Variants in EML5 observed in about 807,000 individuals in gnomAD.
EML5 encodes echinoderm microtubule-associated protein-like 5.
A neutral mutation model predicts 250.0 loss-of-function variants in EML5; 120 were observed. That is an observed-to-expected ratio of 0.48 (90% CI 0.41 to 0.56). The LOEUF is 0.56. Ranked by LOEUF, EML5 falls within the 20% of genes least tolerant of loss-of-function variation. The probability of loss-of-function intolerance (pLI) is 0.00; values close to 1 mark genes in which losing one functional copy is unlikely to be tolerated. For synonymous variants in EML5, 771 were observed against 806.5 expected, an observed-to-expected ratio of 0.96 and a Z score of 0.75; for missense variants, 2,006 against 2,437.6, an observed-to-expected ratio of 0.82 and a Z score of 3.73.
intron 24 of EML5, among the ~76,000 whole-genome samples, chr14:88,662,272 G>C (rs2092128261): frequency 8.0e-6 from 1 of 125,296 alleles, no homozygotes; most frequent in Non-Finnish European, 1.6e-5. Flanking sequence ...CTCTTCCTAG[G>C]CCAAGATAAA....
chr14:88,666,597 C>T (rs796087211), intron 21 of EML5, among the ~76,000 whole-genome samples: 32 of 152,136 alleles, frequency 2.1e-4, no homozygotes, highest in African/African-American at 7.2e-4. Context: ...TGTATATATA[C>T]GTTTCAGAAC....
In EML5 at chr14:88,712,291, C is replaced by T. The variant is rs765131444; in HGVS notation, c.1637G>A (p.Arg546Gln). The T allele has an allele frequency of 1.4e-5, 22 of 1,608,480 alleles. No individual in the cohort carries two copies. Among genetic ancestry groups the T allele is most frequent in the Middle Eastern group, 2.0e-4 (1 of 4,926 alleles). Reference protein sequence around the residue: ...ADDYGIIKLFRYPCLRKGAKF... With the variant: ...ADDYGIIKLFQYPCLRKGAKF... ...GGTACCTTTTCTTAAACATGGATAT[C>T]GGAATAATTTTATAATTCCATAGTC... Residue 546 changes from arginine (R) to glutamine (Q), a missense_variant, in exon 10 of 44, where the codon CGA becomes CAA. Around this residue, in one of 7 missense-constraint regions of EML5, gnomAD observed 1,375 missense variants for 1,590.3 expected, o/e 0.86. Coordinates refer to ENST00000554922, the MANE Select transcript of EML5 (RefSeq NM_183387.3).
rs919323596 is a variant in EML5, at chr14:88,615,488, T to A, written c.*330A>T. 61 of 255,024 alleles carry A rather than the reference T, an allele frequency of 2.4e-4. No homozygotes were observed. The highest frequency in any genetic ancestry group is 1.1e-3 in the African/African-American group (51 of 45,240). The allele number at this position is 255,024 out of a possible 1,614,324, so 15.8% of individuals were successfully genotyped here. On this transcript the variant is annotated 3_prime_UTR_variant, in exon 44 of 44. Transcript: ENST00000554922. ...AATTATCCAAATTGGGTTTTTGAGT[T>A]CTTCTGTAAAGAGTGCTCTACCCTA...
intron 41 of EML5, 81 bp from the exon 42 acceptor site, chr14:88,616,960 ATCTC>A: frequency 7.5e-7 from 1 of 1,329,124 alleles, no homozygotes; most frequent in Non-Finnish European, 1.1e-6. Flanking sequence ...TTGGCAATTA[ATCTC>A]TAAGTACCCT....
At chr14:88,622,362 G>T (rs1304452494) in intron 37 of EML5, 4 of 349,892 alleles carry the variant, frequency 1.1e-5, no homozygotes, top group African/African-American at 6.3e-5. Flanking sequence ...TGTTAAATTG[G>T]CAGATTCTAG....
At chr14:88,740,219 A>C (rs2093904482) in intron 5 of EML5, among the ~76,000 whole-genome samples, 168 bp downstream of exon 5, 1 of 152,214 alleles carries the variant, frequency 6.6e-6, no homozygotes, top group Non-Finnish European at 1.5e-5. Context: ...AATGAGTCTA[A>C]TTGATTTCTT....
intron 2 of EML5, among the ~76,000 whole-genome samples, chr14:88,751,963 G>A (rs1172230643): frequency 1.3e-5 from 2 of 152,130 alleles, no homozygotes; most frequent in Non-Finnish European, 2.9e-5. Flanking sequence ...ATTCCAAAGG[G>A]TTGTTGGGAG....
rs1277108300 is a variant in EML5 at position 88,792,815 on chromosome 14, G to A, written c.-312C>T. 2.1e-5 allele frequency: 19 copies of A among 915,990 alleles called. No homozygotes were observed. The East Asian group carries it at 5.2e-4, about 25-fold the overall frequency. The allele number at this position is 915,990 out of a possible 1,614,324, so 56.7% of individuals were successfully genotyped here. A position where few individuals can be genotyped will look rare whatever the true frequency, so the allele number is the denominator to read the frequency against. ...CCCGTAGCGCCTGGGCCGAGAGCGAGGGCCCGCCTCCAGCTCCTCAGCCGC... is the reference window on the plus strand; with the variant it reads ...CCCGTAGCGCCTGGGCCGAGAGCGAAGGCCCGCCTCCAGCTCCTCAGCCGC... On this transcript the variant is annotated 5_prime_UTR_variant, in exon 1 of 44. Transcript: ENST00000554922. This position sits in a 1 kb window ranked among gnomAD's most constrained non-coding sequence, Gnocchi z 6.9.
chr14:88,664,112 T>C (rs2092228685), intron 23 of EML5, among the ~76,000 whole-genome samples: 1 of 151,154 alleles, frequency 6.6e-6, no homozygotes, highest in Non-Finnish European at 1.5e-5. Context: ...AACCTGTCTG[T>C]ACAAAACATT....
At chr14:88,722,925 AT>A (rs1007416619) in intron 8 of EML5, among the ~76,000 whole-genome samples, 7 of 152,142 alleles carry the variant, frequency 4.6e-5, no homozygotes, top group African/African-American at 7.2e-5. Context: ...AATAAAAAAA[AT>A]GTTCATAAGA....
intron 33 of EML5, among the ~76,000 whole-genome samples, chr14:88,629,030 ACC>A (rs1470375871): frequency 6.6e-6 from 1 of 152,086 alleles, no homozygotes; most frequent in Non-Finnish European, 1.5e-5. Flanking sequence ...AAGTCAAAGT[ACC>A]CCAAGGCATA....
chr14:88,623,936 G>C (rs1294027427), intron 36 of EML5: 1 of 152,204 alleles, frequency 6.6e-6, no homozygotes, highest in East Asian at 1.9e-4. Flanking sequence ...TGAATTGCTT[G>C]TCTGAAAGCA....
chr14:88,722,164 T>A (rs1399674183), intron 8 of EML5, among the ~76,000 whole-genome samples: 1 of 152,202 alleles, frequency 6.6e-6, no homozygotes, highest in African/African-American at 2.4e-5. Context: ...ACACTGTTGG[T>A]GGGAATGTGA....
chr14:88,625,945 T>C (rs1029084913), intron 35 of EML5: 2 of 152,152 alleles, frequency 1.3e-5, no homozygotes, highest in African/African-American at 4.8e-5. Context: ...GAAAGAGATG[T>C]GGATTGGAAG....
chr14:88,740,253 G>C (rs1445777990), intron 5 of EML5, 134 bp downstream of exon 5: 11 of 595,334 alleles, frequency 1.8e-5, no homozygotes, highest in Non-Finnish European at 2.7e-5. Context: ...AAAACAAATA[G>C]ATAATTCAGT....
At chr14:88,779,452 G>A (rs1031517709) in intron 1 of EML5, among the ~76,000 whole-genome samples, 1 of 152,076 alleles carries the variant, frequency 6.6e-6, no homozygotes, top group African/African-American at 2.4e-5. Context: ...GGCTAACAAG[G>A]GATAATGGCA....
intron 4 of EML5, among the ~76,000 whole-genome samples, chr14:88,742,328 G>C (rs765947085): frequency 7.2e-5 from 11 of 151,858 alleles, no homozygotes; most frequent in Admixed American, 3.9e-4. Context: ...CTGCTAGTGT[G>C]ACTGAGGAAA....
In EML5 at chr14:88,688,397, T is replaced by C; in HGVS notation, c.2616A>G (p.Gly872=). 6.2e-7 allele frequency: 1 copy of C among 1,614,004 alleles called. No individual in the cohort carries two copies. The highest frequency in any genetic ancestry group is 8.5e-7 in the Non-Finnish European group (1 of 1,179,882). The change falls in exon 18 of 44, where the codon GGA becomes GGG. Residue 872 remains glycine, a synonymous_variant. Coordinates refer to ENST00000554922, the MANE Select transcript of EML5 (RefSeq NM_183387.3). ...KNDTMMCAVY[G]WTEEMAFSGT... is the part of the protein sequence containing the mutation. ...CAGAAAAAGCCATCTCTTCAGTCCA[T>C]CCATACACTGCACACATCATTGTGT...
At chr14:88,735,407 A>G (rs898650179) in intron 7 of EML5, among the ~76,000 whole-genome samples, 1 of 152,232 alleles carries the variant, frequency 6.6e-6, no homozygotes, top group African/African-American at 2.4e-5. Context: ...GAAAATAGGC[A>G]AACAGCTTGA....
Sources: allele counts gnomAD v4.1 joint callset (sites outside exome capture counted in the v4.1 genomes callset), GRCh38; gene constraint gnomAD v4.1.1; regional missense constraint gnomAD v4.1.1; non-coding constraint Gnocchi (gnomAD v3.1); transcripts MANE v1.5; gene names NCBI Gene and HGNC (gene_info 2026-07-23, HGNC 2026-07-21).